Variants in CAMTA1 observed in about 807,000 individuals in gnomAD.
CAMTA1 encodes calmodulin-binding transcription activator 1.
Under a neutral mutation model 170.9 loss-of-function variants are expected in CAMTA1, and 27 were observed. The observed-to-expected ratio is 0.16, with a 90% CI of 0.12 to 0.22. The LOEUF (loss-of-function observed/expected upper bound fraction) is 0.22, where lower values mean the gene tolerates loss of function less well. CAMTA1 is among the 10% of genes least tolerant of loss of function. CAMTA1 has a pLI of 1.00. For missense variants in CAMTA1, 1,619 were observed against 2,217.2 expected (o/e 0.73, Z 5.42); for synonymous variants, 833 against 891.5 (o/e 0.93, Z 1.17).
At chr1:6,849,904 G>A (rs972946878) in intron 3 of CAMTA1, among the ~76,000 whole-genome samples, 60 of 151,750 alleles carry the variant, frequency 4.0e-4, no homozygotes, top group Admixed American at 1.6e-3. Context: ...ATGTGGTGAC[G>A]CATGCCTGTA....
At chr1:7,409,766 AT>A (rs1263702085) in intron 5 of CAMTA1, among the ~76,000 whole-genome samples, 2 of 152,150 alleles carry the variant, frequency 1.3e-5, no homozygotes, top group Non-Finnish European at 2.9e-5. Flanking sequence ...AAATAAATTA[AT>A]TTTTTTGTTC....
Position 7,455,381 on chromosome 1 carries a change from C to A in CAMTA1, c.439-12449C>A, listed in dbSNP as rs1319448043. On this transcript the variant is annotated intron_variant, in intron 5 of 22. Coordinates refer to ENST00000303635, the MANE Select transcript of CAMTA1 (RefSeq NM_015215.4). The surrounding 1 kb of genome is among the most constrained non-coding windows in gnomAD (Gnocchi z 5.0). The stretch of plus-strand genomic sequence containing the variant: ...CTGCCCAGCCCATTAATTCTGCATG[C>A]TCAGGCCGAATTAACCTTGGCAAGC... 3.3e-5 allele frequency among the ~76,000 whole-genome samples: 5 copies of A among 152,220 alleles called. No homozygotes were observed. Among genetic ancestry groups the A allele is most frequent in the Non-Finnish European group, 7.3e-5 (5 of 68,032 alleles).
At chr1:7,701,297 A>C (rs2096436970) in intron 11 of CAMTA1, among the ~76,000 whole-genome samples, 1 of 152,192 alleles carries the variant, frequency 6.6e-6, no homozygotes, top group Non-Finnish European at 1.5e-5. Context: ...CAGGCAGATA[A>C]CAGGCATCCA....
At chr1:7,639,369 C>T (rs1480933791) in intron 6 of CAMTA1, among the ~76,000 whole-genome samples, 1 of 152,170 alleles carries the variant, frequency 6.6e-6, no homozygotes, top group Non-Finnish European at 1.5e-5. Context: ...AACTCCGCCC[C>T]AGAAACCAAC....
chr1:6,938,822 C>T (rs1685915404), intron 3 of CAMTA1, among the ~76,000 whole-genome samples: 3 of 152,160 alleles, frequency 2.0e-5, no homozygotes, highest in Admixed American at 2.0e-4. Context: ...AGTATTATGG[C>T]TTCATGCTTC....
intron 11 of CAMTA1, among the ~76,000 whole-genome samples, chr1:7,728,533 T>C (rs1466528925): frequency 2.6e-5 from 4 of 152,178 alleles, no homozygotes; most frequent in Admixed American, 6.5e-5. Flanking sequence ...GATGCAAGAT[T>C]TGTAGACTTG....
At chr1:7,444,478 A>G (rs2092629939) in intron 5 of CAMTA1, among the ~76,000 whole-genome samples, 1 of 152,336 alleles carries the variant, frequency 6.6e-6, no homozygotes, top group Middle Eastern at 3.4e-3. Context: ...GCCCAGCCCA[A>G]GGTTCTGTTT....
At chr1:7,281,681 C>A (rs147450263) in intron 5 of CAMTA1, among the ~76,000 whole-genome samples, 1 of 152,080 alleles carries the variant, frequency 6.6e-6, no homozygotes, top group Non-Finnish European at 1.5e-5. Context: ...ATATCACTGT[C>A]CATTCAATTT....
intron 6 of CAMTA1, among the ~76,000 whole-genome samples, chr1:7,607,828 T>G (rs930437144): frequency 2.0e-5 from 3 of 152,180 alleles, no homozygotes; most frequent in Non-Finnish European, 4.4e-5. Flanking sequence ...CATAGTAGAT[T>G]CTATAGAGAA....
At chr1:7,647,812 A>C (rs1415751107) in intron 7 of CAMTA1, among the ~76,000 whole-genome samples, 1 of 152,188 alleles carries the variant, frequency 6.6e-6, no homozygotes, top group African/African-American at 2.4e-5. Flanking sequence ...GTCCGGACGT[A>C]GTGGCTTACG....
chr1:6,977,483 C>A (rs532837504), intron 3 of CAMTA1, among the ~76,000 whole-genome samples: 5 of 152,072 alleles, frequency 3.3e-5, no homozygotes, highest in Non-Finnish European at 5.9e-5. Context: ...TGGGACTACA[C>A]GTGCGTGCCA....
intron 4 of CAMTA1, among the ~76,000 whole-genome samples, chr1:7,189,797 G>T (rs1411542949): frequency 1.3e-5 from 2 of 152,210 alleles, no homozygotes; most frequent in Non-Finnish European, 2.9e-5. Context: ...CTACCCAGAG[G>T]AAAGGAAGTC....
chr1:6,871,742 T>G (rs532815737), intron 3 of CAMTA1: 2 of 1,533,162 alleles, frequency 1.3e-6, no homozygotes, highest in African/African-American at 2.7e-5. Context: ...TTACTGGAGC[T>G]CCTTTGTTTT....
intron 11 of CAMTA1, among the ~76,000 whole-genome samples, chr1:7,686,586 TG>T (rs1430399941): frequency 6.6e-6 from 1 of 152,032 alleles, no homozygotes; most frequent in Non-Finnish European, 1.5e-5. Flanking sequence ...AGTAGGGGGC[TG>T]GGCTTTTATT....
rs2149007870 is a variant in CAMTA1 at position 6,873,857 on chromosome 1, A to G, written c.234+48647A>G. Among the ~76,000 whole-genome samples, 4 of 152,352 alleles carry G rather than the reference A, an allele frequency of 2.6e-5. 1 individual carries two copies. Among genetic ancestry groups the G allele is most frequent in the Admixed American group, 2.6e-4 (4 of 15,304 alleles). On this transcript the variant is annotated intron_variant, in intron 3 of 22. Transcript: ENST00000303635. ...TTTTTGTAAATGTGATTCATTGAGA[A>G]AAACCTTCATTTGAGAGTCAGGTAA...
intron 11 of CAMTA1, among the ~76,000 whole-genome samples, chr1:7,706,886 C>CTTTTTTT (rs139511207): frequency 3.0e-5 from 4 of 132,220 alleles, no homozygotes; most frequent in Non-Finnish European, 3.1e-5. Flanking sequence ...TCAGGCTATT[C>CTTTTTTT]TTTTTTTTTT....
Position 7,664,878 on chromosome 1 carries a change from C to T in CAMTA1, c.2331C>T (p.Ile777=). 1.2e-6 allele frequency: 2 copies of T among 1,613,364 alleles called. No individual in the cohort carries two copies. The highest frequency in any genetic ancestry group is 1.7e-6 in the Non-Finnish European group (2 of 1,180,024). The change falls in exon 9 of 23, where the codon ATC becomes ATT. Residue 777 remains isoleucine, a synonymous_variant. Coordinates refer to ENST00000303635, the MANE Select transcript of CAMTA1 (RefSeq NM_015215.4). ...ISFSNQFSDL[I]NDFISVEGGS... ...TCAGCAACCAGTTCTCCGACCTGAT[C>T]AACGACTTCATCTCCGTGGAGGGGG...
intron 3 of CAMTA1, among the ~76,000 whole-genome samples, chr1:7,030,741 A>G (rs1479629640): frequency 6.6e-6 from 1 of 152,168 alleles, no homozygotes; most frequent in Non-Finnish European, 1.5e-5. Context: ...TTCTGTGTGC[A>G]TGTGAAAAGA....
intron 3 of CAMTA1, among the ~76,000 whole-genome samples, chr1:6,880,586 C>T (rs1036285208): frequency 6.6e-6 from 1 of 152,072 alleles, no homozygotes; most frequent in South Asian, 2.1e-4. Flanking sequence ...GACAGGGTTT[C>T]ACTGTATTGT....
Sources: allele counts gnomAD v4.1 joint callset (sites outside exome capture counted in the v4.1 genomes callset), GRCh38; gene constraint gnomAD v4.1.1; non-coding constraint Gnocchi (gnomAD v3.1); transcripts MANE v1.5; gene names NCBI Gene and HGNC (gene_info 2026-07-23, HGNC 2026-07-21).